Variants in CDH13 observed in about 807,000 individuals in gnomAD.
CDH13 encodes cadherin-13.
CDH13 carries 24 observed loss-of-function variants against 63.8 expected under a neutral mutation model. The ratio of observed to expected loss-of-function variants is 0.38; its 90% CI spans 0.27 to 0.53. The LOEUF is 0.53. Among genes scored for constraint, CDH13 ranks in the 20% least tolerant of loss-of-function variants. The probability of loss-of-function intolerance (pLI) is 0.85; values close to 1 mark genes in which losing one functional copy is unlikely to be tolerated. For synonymous variants in CDH13, 503 were observed against 355.3 expected, an observed-to-expected ratio of 1.42 and a Z score of -4.67; for missense variants, 1,049 against 903.1, an observed-to-expected ratio of 1.16 and a Z score of -2.07.
chr16:82,658,368 C>T (rs1013045194), intron 1 of CDH13, among the ~76,000 whole-genome samples: 4 of 152,128 alleles, frequency 2.6e-5, no homozygotes, highest in African/African-American at 4.8e-5. Context: ...TTTAGCTGTC[C>T]CATTTATGTG....
Position 83,125,509 on chromosome 16 carries a change from A to T in CDH13, c.483+8A>T, listed in dbSNP as rs2035770397. 1 of 1,416,120 alleles carries T rather than the reference A, an allele frequency of 7.1e-7. No individual in the cohort carries two copies. The highest frequency in any genetic ancestry group is 1.0e-6 in the Non-Finnish European group (1 of 1,000,134). The allele number at this position is 1,416,120 out of a possible 1,614,324, so 87.7% of individuals were successfully genotyped here. A position where few individuals can be genotyped will look rare whatever the true frequency, so the allele number is the denominator to read the frequency against. ...CCAAGAGATGTTGGCAAGGTAAGTC[A>T]GACAAACAGCAAATGACAAAAACAT... is the stretch of plus-strand genomic sequence containing the variant. On this transcript the variant is annotated splice_region_variant and intron_variant, in intron 4 of 13. Coordinates refer to ENST00000567109, the MANE Select transcript of CDH13 (RefSeq NM_001257.5).
At chr16:83,648,582 G>C (rs911208197) in intron 8 of CDH13, among the ~76,000 whole-genome samples, 2 of 152,026 alleles carry the variant, frequency 1.3e-5, no homozygotes, top group African/African-American at 4.8e-5. Flanking sequence ...TCAACCACTG[G>C]GTTTCCATAG....
intron 5 of CDH13, among the ~76,000 whole-genome samples, chr16:83,253,427 G>T (rs573927632): frequency 6.6e-6 from 1 of 152,198 alleles, no homozygotes; most frequent in African/African-American, 2.4e-5. Context: ...AAAGTAAGAA[G>T]CAGCCAGTGT....
intron 7 of CDH13, among the ~76,000 whole-genome samples, chr16:83,530,828 A>G (rs1413658611): frequency 6.6e-6 from 1 of 152,208 alleles, no homozygotes. Context: ...TTTACCAGTA[A>G]CTAGCCCCTT....
chr16:83,401,338 C>G lies in CDH13; in HGVS notation c.781+56332C>G, dbSNP rs553689838. Among the ~76,000 whole-genome samples, 4 of 115,130 alleles carry G rather than the reference C, an allele frequency of 3.5e-5. No individual in the cohort carries two copies. The South Asian group carries it at 1.1e-3, about 32-fold the overall frequency. The allele number at this position is 115,130 out of a possible 152,430, so 75.5% of individuals were successfully genotyped here. A position where few individuals can be genotyped will look rare whatever the true frequency, so the allele number is the denominator to read the frequency against. On this transcript the variant is annotated intron_variant, in intron 6 of 13. Transcript: ENST00000567109. ...TGAGTGACAGAGTGAGACTCCATCT[C>G]AAAAAAAAAAAAAGAAAAAAGATTA...
intron 2 of CDH13, among the ~76,000 whole-genome samples, chr16:82,880,200 A>G (rs962533694): frequency 3.3e-5 from 5 of 152,018 alleles, no homozygotes; most frequent in African/African-American, 4.8e-5. Flanking sequence ...CCACTTTGCA[A>G]TGAGAGGCCT....
chr16:83,032,149 G>A lies in CDH13; in HGVS notation c.297G>A (p.Arg99=). ...AVGKTLFVHA[R]TPHAEDMAEL... is the part of the protein sequence containing the mutation. ...GCAAAACTCTGTTCGTCCATGCACG[G>A]ACCCCCCATGCGGAAGATATGGCAG... The change falls in exon 3 of 14, where the codon CGG becomes CGA. Residue 99 remains arginine (R), a synonymous_variant. Coordinates refer to ENST00000567109, the MANE Select transcript of CDH13 (RefSeq NM_001257.5). 6.2e-7 allele frequency: 1 copy of A among 1,613,714 alleles called. No individual in the cohort carries two copies. Among genetic ancestry groups the A allele is most frequent in the Non-Finnish European group, 8.5e-7 (1 of 1,179,780 alleles).
chr16:83,626,673 T>C (rs1250425643), intron 8 of CDH13, among the ~76,000 whole-genome samples: 1 of 152,002 alleles, frequency 6.6e-6, no homozygotes, highest in African/African-American at 2.4e-5. Context: ...TTGTCCATTC[T>C]CTCTTTCTCG....
At position 82,868,329 on chromosome 16, in the gene CDH13, C is replaced by T. The variant is rs146017222; in HGVS notation, c.157+9856C>T. On this transcript the variant is annotated intron_variant, in intron 2 of 13. Transcript: ENST00000567109. ...AATGTTATGCTTTCACAGGTTTTCCCTTCCCTCCTACCAATCCATTTGTAA... is the reference window on the plus strand; with the variant it reads ...AATGTTATGCTTTCACAGGTTTTCCTTTCCCTCCTACCAATCCATTTGTAA... 2.0e-4 allele frequency among the ~76,000 whole-genome samples: 31 copies of T among 152,260 alleles called. No homozygotes were observed. The East Asian group carries it at 6.0e-3, about 29-fold the overall frequency.
At chr16:82,940,124 C>T (rs1044419478) in intron 2 of CDH13, among the ~76,000 whole-genome samples, 5 of 152,142 alleles carry the variant, frequency 3.3e-5, no homozygotes, top group Admixed American at 2.6e-4. Context: ...CCACCAGGTC[C>T]CTCCCACAAC....
intron 5 of CDH13, among the ~76,000 whole-genome samples, chr16:83,227,360 G>A (rs771866711): frequency 6.6e-6 from 1 of 152,200 alleles, no homozygotes; most frequent in Non-Finnish European, 1.5e-5. Flanking sequence ...CACATGGTAT[G>A]GAAGCTGACA....
At chr16:83,190,877 T>C (rs1266051581) in intron 4 of CDH13, among the ~76,000 whole-genome samples, 1 of 152,122 alleles carries the variant, frequency 6.6e-6, no homozygotes, top group African/African-American at 2.4e-5. Flanking sequence ...TGCTAAGCAA[T>C]TGATTGAATC....
chr16:83,579,872 A>AG lies in CDH13; in HGVS notation c.961-22579dup, dbSNP rs1412477005. On this transcript the variant is annotated intron_variant, in intron 7 of 13. Transcript: ENST00000567109. ...ACTCCCAGTTAGACAGGGACAAATT[A>AG]GGGCAGGCTTCACAGGGGAGTAACA... 2.0e-5 allele frequency among the ~76,000 whole-genome samples: 3 copies of AG among 152,092 alleles called. No individual in the cohort carries two copies. In the East Asian group the frequency reaches 5.8e-4, roughly 29 times the overall value.
intron 2 of CDH13, among the ~76,000 whole-genome samples, chr16:82,978,951 GGGT>G (rs1346604264): frequency 1.3e-5 from 2 of 152,172 alleles, no homozygotes; most frequent in East Asian, 3.9e-4. Flanking sequence ...GCCGGGAGGG[GGGT>G]TGTACCCTGC....
At chr16:82,788,799 A>G (rs2036150412) in intron 1 of CDH13, among the ~76,000 whole-genome samples, 1 of 152,152 alleles carries the variant, frequency 6.6e-6, no homozygotes, top group Admixed American at 6.5e-5. Flanking sequence ...AGCCCAGGTG[A>G]TGTTATTTGC....
intron 1 of CDH13, among the ~76,000 whole-genome samples, chr16:82,747,315 C>T (rs1466085135): frequency 6.6e-6 from 1 of 152,170 alleles, no homozygotes; most frequent in Non-Finnish European, 1.5e-5. Context: ...CAGGAGTATG[C>T]ACGTTAAAGT....
chr16:83,618,943 ACTAT>A (rs1410109769), intron 8 of CDH13, among the ~76,000 whole-genome samples: 7 of 152,172 alleles, frequency 4.6e-5, no homozygotes, highest in Admixed American at 2.0e-4. Context: ...TTTGCAAACT[ACTAT>A]CTATTTCAGT....
chr16:83,710,205 C>T (rs940790586), intron 10 of CDH13: 3 of 152,164 alleles, frequency 2.0e-5, no homozygotes, highest in African/African-American at 2.4e-5. Flanking sequence ...TTGAAGTTGC[C>T]GCTTCTCCAC....
At chr16:83,262,963 C>T (rs1019793647) in intron 5 of CDH13, among the ~76,000 whole-genome samples, 1 of 152,128 alleles carries the variant, frequency 6.6e-6, no homozygotes, top group Non-Finnish European at 1.5e-5. Context: ...GTTGTTTGTC[C>T]TGAGAATGAC....
Sources: gnomAD v4.1 joint callset for allele counts (sites outside exome capture counted in the v4.1 genomes callset) on GRCh38, gnomAD v4.1.1 for gene constraint, MANE v1.5 for transcripts, NCBI Gene and HGNC (gene_info 2026-07-23, HGNC 2026-07-21) for gene names.